Variants in ROBO2 observed in about 807,000 individuals in gnomAD.
ROBO2 encodes roundabout guidance receptor 2.
In ROBO2, 53 loss-of-function variants were observed where a neutral mutation model predicts 160.8. That is an observed-to-expected ratio of 0.33 (90% CI 0.26 to 0.41). ROBO2 has a LOEUF of 0.41. Among genes scored for constraint, ROBO2 ranks in the 10% least tolerant of loss-of-function variants. The probability of loss-of-function intolerance (pLI) is 1.00; values close to 1 mark genes in which losing one functional copy is unlikely to be tolerated. For synonymous variants in ROBO2, 664 were observed against 611.7 expected, an observed-to-expected ratio of 1.09 and a Z score of -1.26; for missense variants, 1,577 against 1,722.4, an observed-to-expected ratio of 0.92 and a Z score of 1.49.
At position 76,966,347 on chromosome 3, in the gene ROBO2, A is replaced by T. The variant is rs115735279; in HGVS notation, c.110-131667A>T. ...CATATTCCAGGCACTGTGCTCAGAG[A>T]TTTACCTGTTATTTCATTTTTTCCA... On this transcript the variant is annotated intron_variant, in intron 2 of 26. Coordinates refer to the ROBO2 transcript ENST00000487694. Among the ~76,000 whole-genome samples, 594 of 152,312 alleles carry T rather than the reference A, an allele frequency of 3.9e-3. 3 individuals carry two copies. Among genetic ancestry groups the T allele is most frequent in the African/African-American group, 0.014 (565 of 41,558 alleles).
intron 5 of ROBO2, among the ~76,000 whole-genome samples, chr3:77,509,700 A>G (rs1211105768): frequency 1.3e-5 from 2 of 152,042 alleles, no homozygotes; most frequent in African/African-American, 2.4e-5. Context: ...GCATTTTGTC[A>G]TGAGCAATAT....
chr3:76,990,785 T>C (rs540443702), intron 2 of ROBO2, among the ~76,000 whole-genome samples: 1 of 152,136 alleles, frequency 6.6e-6, no homozygotes, highest in Non-Finnish European at 1.5e-5. Context: ...GGCTCAAGCA[T>C]GCATATCAAG....
rs116880769 is a variant in ROBO2, at chr3:77,114,793, A to T, written c.388+16453A>T. ...AAGCAAAGAAGTAATTTTTTTACTCATATATTTGACTTACACCTTGTATAT... is the reference window on the plus strand; with the variant it reads ...AAGCAAAGAAGTAATTTTTTTACTCTTATATTTGACTTACACCTTGTATAT... On this transcript the variant is annotated intron_variant, in intron 2 of 25. Transcript: ENST00000461745. Among the ~76,000 whole-genome samples, 108 of 152,312 alleles carry T rather than the reference A, an allele frequency of 7.1e-4. 1 individual carries two copies. In the East Asian group the frequency reaches 0.018, roughly 26 times the overall value.
At chr3:77,412,792 ATAGT>A (rs2076907451) in intron 2 of ROBO2, among the ~76,000 whole-genome samples, 1 of 152,218 alleles carries the variant, frequency 6.6e-6, no homozygotes, top group Non-Finnish European at 1.5e-5. Context: ...TTTTATAGGG[ATAGT>A]TAGCCTCTGC....
chr3:76,492,075 C>G (rs2079858595), intron 2 of ROBO2, among the ~76,000 whole-genome samples: 1 of 152,088 alleles, frequency 6.6e-6, no homozygotes. Context: ...TGAGATCGTG[C>G]CACTGCACTC....
intron 2 of ROBO2, among the ~76,000 whole-genome samples, chr3:76,568,460 AT>A (rs1308076471): frequency 2.3e-5 from 1 of 43,424 alleles, no homozygotes; most frequent in African/African-American, 6.7e-5. Flanking sequence ...CCACGCCCAG[AT>A]AATTTTTTTT....
intron 2 of ROBO2, among the ~76,000 whole-genome samples, chr3:76,767,063 ATAGAT>A (rs1390416197): frequency 1.3e-5 from 2 of 151,574 alleles, no homozygotes; most frequent in African/African-American, 4.8e-5. Flanking sequence ...ATATAGGAAA[ATAGAT>A]TAACTGAATC....
rs577292392 is a variant in ROBO2 at position 76,301,835 on chromosome 3, G to A, written c.109+364233G>A. On this transcript the variant is annotated intron_variant, in intron 2 of 26. Transcript: ENST00000487694. ...AGGGTTGTAAGTGGGAGTAGTAAGT[G>A]ACAATTTTTCTAAACCCTTCTGAGA... 9.2e-5 allele frequency among the ~76,000 whole-genome samples: 14 copies of A among 152,154 alleles called. No homozygotes were observed. In the South Asian group the frequency reaches 2.9e-3, roughly 32 times the overall value.
At chr3:77,368,933 GTTAA>G (rs1158941915) in intron 2 of ROBO2, among the ~76,000 whole-genome samples, 1 of 152,094 alleles carries the variant, frequency 6.6e-6, no homozygotes, top group Non-Finnish European at 1.5e-5. Flanking sequence ...CCTTACTTGA[GTTAA>G]TTAATTCGAA....
chr3:77,306,260 G>C (rs980852533), intron 2 of ROBO2, among the ~76,000 whole-genome samples: 17 of 151,682 alleles, frequency 1.1e-4, no homozygotes, highest in East Asian at 5.8e-4. Context: ...TTTCTAATTG[G>C]ATTAAAAACT....
rs370043090 is a variant in ROBO2 at position 77,617,706 on chromosome 3, C to A, written c.3487C>A (p.Pro1163Thr). Residue 1163 changes from proline to threonine, a missense_variant, in exon 22 of 26, where the codon CCC becomes ACC. Pro to Thr is a conservative substitution (Grantham distance 38, BLOSUM62 -1). Around this residue, in one of 2 missense-constraint regions of ROBO2, gnomAD observed 637 missense variants for 586.9 expected, o/e 1.09. Coordinates refer to ENST00000461745, the Ensembl canonical transcript of ROBO2. ...TCCATCCCCACGGGAAGAGATGCAA[C>A]CCATGCTGCAGGCTCACCTGGATGA... 8 of 1,613,912 alleles carry A rather than the reference C, an allele frequency of 5.0e-6. No homozygotes were observed. Among genetic ancestry groups the A allele is most frequent in the East Asian group, 2.2e-5 (1 of 44,884 alleles).
intron 2 of ROBO2, among the ~76,000 whole-genome samples, chr3:76,053,108 A>G (rs1029456582): frequency 6.6e-6 from 1 of 152,078 alleles, no homozygotes; most frequent in Non-Finnish European, 1.5e-5. Flanking sequence ...TGGCCAGACT[A>G]TAGGACAATA....
chr3:76,882,016 T>TTG (rs1027285749), intron 2 of ROBO2, among the ~76,000 whole-genome samples: 2 of 149,524 alleles, frequency 1.3e-5, no homozygotes, highest in East Asian at 2.0e-4. Context: ...GGTAGTTTGG[T>TTG]TGTGTGTGTG....
intron 2 of ROBO2, among the ~76,000 whole-genome samples, chr3:76,659,479 A>G (rs1224036346): frequency 1.3e-5 from 2 of 151,756 alleles, no homozygotes; most frequent in African/African-American, 4.8e-5. Flanking sequence ...AGGGCAGTAT[A>G]TTGCTCTGTA....
At chr3:77,385,960 G>A (rs1448266305) in intron 2 of ROBO2, among the ~76,000 whole-genome samples, 1 of 152,012 alleles carries the variant, frequency 6.6e-6, no homozygotes, top group Non-Finnish European at 1.5e-5. Context: ...CCACAAGAAA[G>A]AGAAATAAAA....
At chr3:76,665,795 A>G (rs1407053117) in intron 2 of ROBO2, among the ~76,000 whole-genome samples, 2 of 149,636 alleles carry the variant, frequency 1.3e-5, no homozygotes, top group African/African-American at 4.9e-5. Context: ...TTTCCAAAAC[A>G]CTGAATATGG....
intron 2 of ROBO2, among the ~76,000 whole-genome samples, chr3:76,442,021 C>A (rs1387286495): frequency 6.6e-6 from 1 of 152,176 alleles, no homozygotes; most frequent in Non-Finnish European, 1.5e-5. Context: ...TTGGTGGTGT[C>A]CACCCCTTAC....
chr3:76,620,759 T>C (rs562304817), intron 2 of ROBO2, among the ~76,000 whole-genome samples: 1 of 152,238 alleles, frequency 6.6e-6, no homozygotes, highest in Admixed American at 6.5e-5. Flanking sequence ...TACTAAAGCT[T>C]AGGGACCAGT....
intron 2 of ROBO2, among the ~76,000 whole-genome samples, chr3:76,172,650 A>C (rs2073087461): frequency 6.6e-6 from 1 of 152,002 alleles, no homozygotes; most frequent in Non-Finnish European, 1.5e-5. Context: ...AAAGTAACAA[A>C]ATCTCAGGGG....
Sources: gnomAD v4.1 joint callset for allele counts (sites outside exome capture counted in the v4.1 genomes callset) on GRCh38, gnomAD v4.1.1 for gene constraint, gnomAD v4.1.1 regional missense constraint, MANE v1.5 for transcripts, NCBI Gene and HGNC (gene_info 2026-07-23, HGNC 2026-07-21) for gene names.